The following CACNA2D3 variants were observed in gnomAD, a reference collection of about 807,000 sequenced individuals.
CACNA2D3 encodes the protein voltage-dependent calcium channel subunit alpha-2/delta-3.
In CACNA2D3, 60 loss-of-function variants were observed where a neutral mutation model predicts 160.6. The ratio of observed to expected loss-of-function variants is 0.37; its 90% CI spans 0.30 to 0.46. CACNA2D3 has a LOEUF of 0.46. Among genes scored for constraint, CACNA2D3 ranks in the 20% least tolerant of loss-of-function variants. The probability of loss-of-function intolerance (pLI) is 1.00; values close to 1 mark genes in which losing one functional copy is unlikely to be tolerated. For synonymous variants in CACNA2D3, 558 were observed against 492.9 expected, an observed-to-expected ratio of 1.13 and a Z score of -1.75; for missense variants, 1,205 against 1,365.0, an observed-to-expected ratio of 0.88 and a Z score of 1.85.
rs564698451 is a variant in CACNA2D3 at position 54,995,646 on chromosome 3, T to A, written c.2690+7893T>A. ...TTTTAATAAATGCTTTAAATAAGAT[T>A]TTTAATGTATTAAGCAGCCTCCCAT... On this transcript the variant is annotated intron_variant, in intron 31 of 37. Transcript: ENST00000474759. 2.0e-5 allele frequency among the ~76,000 whole-genome samples: 3 copies of A among 152,314 alleles called. No individual in the cohort carries two copies. The East Asian group carries it at 5.8e-4, about 29-fold the overall frequency.
intron 9 of CACNA2D3, among the ~76,000 whole-genome samples, chr3:54,595,139 C>T (rs1702928216): frequency 6.6e-6 from 1 of 152,076 alleles, no homozygotes; most frequent in African/African-American, 2.4e-5. Flanking sequence ...AGCTGTGGTG[C>T]CCATCTTAGT....
intron 27 of CACNA2D3, chr3:54,924,836 C>T (rs1425227887): frequency 1.2e-6 from 2 of 1,613,926 alleles, no homozygotes; most frequent in Admixed American, 1.7e-5. Flanking sequence ...TGTTTGATGA[C>T]AAATCAAGCT....
At chr3:54,696,574 C>T (rs916015729) in intron 11 of CACNA2D3, among the ~76,000 whole-genome samples, 1 of 152,000 alleles carries the variant, frequency 6.6e-6, no homozygotes, top group Non-Finnish European at 1.5e-5. Context: ...GTGGTGGTAG[C>T]GAGTACACAG....
chr3:54,209,461 G>C (rs963385313), intron 2 of CACNA2D3, among the ~76,000 whole-genome samples: 1 of 152,176 alleles, frequency 6.6e-6, no homozygotes, highest in African/African-American at 2.4e-5. Context: ...GAGGTCAAAA[G>C]TAATTATCCC....
At chr3:54,536,161 A>C (rs188352412) in intron 5 of CACNA2D3, among the ~76,000 whole-genome samples, 1 of 152,256 alleles carries the variant, frequency 6.6e-6, no homozygotes, top group Admixed American at 6.5e-5. Flanking sequence ...CTCTAATCCT[A>C]TGATATAGAG....
chr3:54,430,851 C>T (rs1205002824), intron 4 of CACNA2D3, among the ~76,000 whole-genome samples: 8 of 152,088 alleles, frequency 5.3e-5, no homozygotes, highest in South Asian at 2.1e-4. Context: ...GGCTTAGGGG[C>T]GCTGACTCCT....
At chr3:54,788,771 CAAAGTT>C (rs1160331533) in intron 13 of CACNA2D3, among the ~76,000 whole-genome samples, 2 of 152,140 alleles carry the variant, frequency 1.3e-5, no homozygotes, top group African/African-American at 4.8e-5. Context: ...TATTGTATAA[CAAAGTT>C]AAAGTGCTGA....
intron 9 of CACNA2D3, among the ~76,000 whole-genome samples, chr3:54,618,374 T>TATATATATACACACACACACACAC: frequency 3.7e-5 from 2 of 54,586 alleles, no homozygotes; most frequent in Admixed American, 4.5e-4. Flanking sequence ...TATATATATA[T>TATATATATACACACACACACACAC]GCACACACAC....
At chr3:54,448,405 A>T (rs1700255819) in intron 4 of CACNA2D3, among the ~76,000 whole-genome samples, 1 of 152,176 alleles carries the variant, frequency 6.6e-6, no homozygotes, top group Non-Finnish European at 1.5e-5. Context: ...TGATCCAGGA[A>T]TCCAAACAAT....
chr3:54,793,471 A>G (rs1029523401), intron 13 of CACNA2D3, among the ~76,000 whole-genome samples: 1 of 152,248 alleles, frequency 6.6e-6, no homozygotes, highest in Admixed American at 6.5e-5. Context: ...CGAGAGGTTT[A>G]ATAATGAGAT....
chr3:54,471,504 G>C (rs1405108573), intron 4 of CACNA2D3, among the ~76,000 whole-genome samples: 30 of 152,028 alleles, frequency 2.0e-4, no homozygotes, highest in Admixed American at 2.0e-3. Context: ...AGAGAAACAA[G>C]AGCAAACAAA....
chr3:54,491,203 T>A (rs992614361), intron 4 of CACNA2D3, among the ~76,000 whole-genome samples: 1 of 152,140 alleles, frequency 6.6e-6, no homozygotes, highest in Non-Finnish European at 1.5e-5. Flanking sequence ...TTAGGGTCAG[T>A]GGTGCATTGA....
In CACNA2D3 at chr3:54,983,616, C is replaced by T. The variant is rs1702553187; in HGVS notation, c.2557-992C>T. On this transcript the variant is annotated intron_variant, in intron 29 of 37. Transcript: ENST00000474759. The stretch of plus-strand genomic sequence containing the variant: ...GGCTTTTAATTTTCTGTTGATTCTG[C>T]ACAGTCACTGTCTAGTAATAAAGGA... Among the ~76,000 whole-genome samples the T allele has an allele frequency of 2.0e-5, 3 of 152,172 alleles. No individual in the cohort carries two copies. In the South Asian group the frequency reaches 6.2e-4, roughly 32 times the overall value.
chr3:54,220,473 C>G (rs1296977014), intron 2 of CACNA2D3, among the ~76,000 whole-genome samples: 1 of 152,236 alleles, frequency 6.6e-6, no homozygotes, highest in African/African-American at 2.4e-5. Flanking sequence ...AAGCCACACT[C>G]GAATGGGACA....
intron 14 of CACNA2D3, among the ~76,000 whole-genome samples, chr3:54,819,153 G>A (rs906107472): frequency 6.6e-6 from 1 of 151,292 alleles, no homozygotes. Flanking sequence ...TAGATTTACT[G>A]TCTTGCTGCT....
intron 2 of CACNA2D3, among the ~76,000 whole-genome samples, chr3:54,204,314 T>C (rs1189599909): frequency 6.6e-6 from 1 of 151,772 alleles, no homozygotes; most frequent in East Asian, 1.9e-4. Context: ...TGGAAATATA[T>C]GTGTGTGTGT....
chr3:54,401,597 A>G (rs1199807700), intron 4 of CACNA2D3, among the ~76,000 whole-genome samples: 1 of 152,162 alleles, frequency 6.6e-6, no homozygotes, highest in Non-Finnish European at 1.5e-5. Context: ...AGGGATGAAA[A>G]TTTTAAAGTA....
chr3:54,246,295 C>T (rs1233046694), intron 2 of CACNA2D3, among the ~76,000 whole-genome samples: 1 of 152,190 alleles, frequency 6.6e-6, no homozygotes, highest in Non-Finnish European at 1.5e-5. Context: ...TTTTTGCTTA[C>T]ATTGTTTTGT....
chr3:54,796,574 T>G (rs1435138637), intron 13 of CACNA2D3, among the ~76,000 whole-genome samples: 1 of 152,176 alleles, frequency 6.6e-6, no homozygotes, highest in Non-Finnish European at 1.5e-5. Context: ...GTTCATAAAT[T>G]TTCCCAAGAA....
Sources: gnomAD v4.1 joint callset for allele counts (sites outside exome capture counted in the v4.1 genomes callset) on GRCh38, gnomAD v4.1.1 for gene constraint, MANE v1.5 for transcripts, NCBI Gene and HGNC (gene_info 2026-07-23, HGNC 2026-07-21) for gene names.